Variants in KCNK13 observed in about 807,000 individuals in gnomAD.
KCNK13 encodes the protein potassium two pore domain channel subfamily K member 13.
In KCNK13, 12 loss-of-function variants were observed where a neutral mutation model predicts 23.4. The ratio of observed to expected loss-of-function variants is 0.51; its 90% CI spans 0.33 to 0.83. KCNK13 has a LOEUF of 0.83. Ranked by LOEUF, KCNK13 falls within the 40% of genes least tolerant of loss-of-function variation. The pLI, the probability that KCNK13 is intolerant of heterozygous loss-of-function variation, is 0.02. For missense variants in KCNK13, 463 were observed against 556.3 expected, an observed-to-expected ratio of 0.83 and a Z score of 1.69; for synonymous variants, 231 against 229.5, an observed-to-expected ratio of 1.01 and a Z score of -0.06.
chr14:90,099,573 G>T (rs968915881), intron 1 of KCNK13, among the ~76,000 whole-genome samples: 1 of 152,136 alleles, frequency 6.6e-6, no homozygotes, highest in Non-Finnish European at 1.5e-5. Context: ...TGTATATATA[G>T]CATCAAGTTT....
In KCNK13 at chr14:90,166,246, A is replaced by G. The variant is rs145241585; in HGVS notation, c.335-17865A>G. ...ACCCTAAAAATATCAAATTCCAAGAATATCTGTAACTTTGGGAAGAACTGT... is the reference window on the plus strand; with the variant it reads ...ACCCTAAAAATATCAAATTCCAAGAGTATCTGTAACTTTGGGAAGAACTGT... On this transcript the variant is annotated intron_variant, in intron 1 of 1. Coordinates refer to ENST00000282146, the MANE Select transcript of KCNK13 (RefSeq NM_022054.4). Among the ~76,000 whole-genome samples the G allele has an allele frequency of 1.4e-3, 214 of 152,326 alleles. 1 individual carries two copies. Among genetic ancestry groups the G allele is most frequent in the African/African-American group, 5.0e-3 (206 of 41,572 alleles).
At chr14:90,077,573 T>C (rs994345527) in intron 1 of KCNK13, among the ~76,000 whole-genome samples, 3 of 152,250 alleles carry the variant, frequency 2.0e-5, no homozygotes, top group African/African-American at 7.2e-5. Flanking sequence ...ATTTGCTTAC[T>C]TTGATATTGT....
At chr14:90,072,043 G>A (rs577437636) in intron 1 of KCNK13, among the ~76,000 whole-genome samples, 14 of 152,276 alleles carry the variant, frequency 9.2e-5, no homozygotes, top group South Asian at 4.1e-4. Flanking sequence ...CAGTCCTGCC[G>A]AGGACGGTGG....
intron 1 of KCNK13, among the ~76,000 whole-genome samples, chr14:90,072,818 C>A (rs566805136): frequency 3.4e-4 from 52 of 152,226 alleles, no homozygotes; most frequent in African/African-American, 1.2e-3. Context: ...GTTTAACTAT[C>A]CTCAAAGAGT....
At chr14:90,119,210 A>C (rs1167499252) in intron 1 of KCNK13, among the ~76,000 whole-genome samples, 1 of 152,206 alleles carries the variant, frequency 6.6e-6, no homozygotes, top group Non-Finnish European at 1.5e-5. Context: ...ATTCTACCAG[A>C]TGTACAAAGA....
intron 1 of KCNK13, among the ~76,000 whole-genome samples, chr14:90,095,655 G>A (rs993722227): frequency 2.0e-5 from 3 of 151,800 alleles, no homozygotes; most frequent in Non-Finnish European, 2.9e-5. Flanking sequence ...AGTCAACAAC[G>A]ATCAACACAG....
intron 1 of KCNK13, among the ~76,000 whole-genome samples, chr14:90,158,138 C>T (rs985564462): frequency 3.3e-5 from 5 of 152,298 alleles, no homozygotes; most frequent in African/African-American, 7.2e-5. Context: ...AGAAGGGAGG[C>T]GACCACAGCA....
At position 90,079,555 on chromosome 14, in the gene KCNK13, A is replaced by C. The variant is rs540472283; in HGVS notation, c.334+17016A>C. Among the ~76,000 whole-genome samples, 257 of 152,246 alleles carry C rather than the reference A, an allele frequency of 1.7e-3. 1 individual carries two copies. Among genetic ancestry groups the C allele is most frequent in the African/African-American group, 6.0e-3 (248 of 41,556 alleles). On this transcript the variant is annotated intron_variant, in intron 1 of 1. Coordinates refer to ENST00000282146, the MANE Select transcript of KCNK13 (RefSeq NM_022054.4). Reference sequence around the variant, plus strand: ...CACAGGTGTGAGCCATTAGCAGCAGAGCCTGCAACTGCTGGGAGATGGACT... The same window carrying C: ...CACAGGTGTGAGCCATTAGCAGCAGCGCCTGCAACTGCTGGGAGATGGACT...
chr14:90,145,510 T>C (rs945579746), intron 1 of KCNK13, among the ~76,000 whole-genome samples: 16 of 152,210 alleles, frequency 1.1e-4, no homozygotes, highest in African/African-American at 3.4e-4. Context: ...TATGTAAGAA[T>C]TATTGTGTCT....
intron 1 of KCNK13, among the ~76,000 whole-genome samples, chr14:90,110,275 G>A (rs576533871): frequency 6.6e-6 from 1 of 152,250 alleles, no homozygotes; most frequent in South Asian, 2.1e-4. Flanking sequence ...ACTTTGGGAG[G>A]CCAAGACGGG....
Position 90,167,442 on chromosome 14 carries a change from G to A in KCNK13, c.335-16669G>A, listed in dbSNP as rs182495476. 6.9e-3 allele frequency among the ~76,000 whole-genome samples: 1,043 copies of A among 152,220 alleles called. 9 individuals carry two copies. The highest frequency in any genetic ancestry group is 0.023 in the African/African-American group (959 of 41,522). The stretch of plus-strand genomic sequence containing the variant: ...TTGGTCTATTAAATCATGGAGCAAC[G>A]CTGTCTTGAATGGAAAACTCCAGAA... On this transcript the variant is annotated intron_variant, in intron 1 of 1. Transcript: ENST00000282146.
intron 1 of KCNK13, among the ~76,000 whole-genome samples, chr14:90,172,316 C>CAA (rs5810487): frequency 0.039 from 5,380 of 138,828 alleles, 115 homozygotes; most frequent in African/African-American, 0.061. Context: ...GAGTCTATAT[C>CAA]AAAAAAAAAA....
intron 1 of KCNK13, among the ~76,000 whole-genome samples, chr14:90,065,657 A>C (rs1888998576): frequency 6.6e-6 from 1 of 152,218 alleles, no homozygotes; most frequent in Non-Finnish European, 1.5e-5. Context: ...CCTGTCAGGA[A>C]TTGGTTAAAA....
chr14:90,113,915 AGAGT>A (rs1889644394), intron 1 of KCNK13, among the ~76,000 whole-genome samples: 1 of 152,160 alleles, frequency 6.6e-6, no homozygotes, highest in African/African-American at 2.4e-5. Context: ...CCTGGAGGAC[AGAGT>A]GAGACTCTGT....
chr14:90,184,087 TTC>T lies in KCNK13; in HGVS notation c.335-19_335-18del, dbSNP rs1566654485. Reference sequence around the variant, plus strand: ...TTCACAGCAAAGATTTCTCTTACTCTTCTCTCATTTTTCTCTCCTGCAGGGTT... The same window carrying T: ...TTCACAGCAAAGATTTCTCTTACTCTTCTCATTTTTCTCTCCTGCAGGGTT... On this transcript the variant is annotated intron_variant, in intron 1 of 1. Coordinates refer to ENST00000282146, the MANE Select transcript of KCNK13 (RefSeq NM_022054.4). This position sits in a 1 kb window ranked among gnomAD's most constrained non-coding sequence, Gnocchi z 5.6. 1.3e-6 allele frequency: 2 copies of T among 1,595,722 alleles called. No homozygotes were observed. The highest frequency in any genetic ancestry group is 1.7e-6 in the Non-Finnish European group (2 of 1,169,068).
intron 1 of KCNK13, among the ~76,000 whole-genome samples, chr14:90,138,274 T>C (rs1170448009): frequency 6.6e-6 from 1 of 152,206 alleles, no homozygotes; most frequent in Non-Finnish European, 1.5e-5. Flanking sequence ...CAAATTTTAC[T>C]CCCCCAAAAT....
In KCNK13 at chr14:90,184,436, A is replaced by G. The variant is rs576999889; in HGVS notation, c.660A>G (p.Glu220=). Residue 220 remains glutamate, a synonymous_variant, in exon 2 of 2, where the codon GAA becomes GAG. Transcript: ENST00000282146. This position sits in a 1 kb window ranked among gnomAD's most constrained non-coding sequence, Gnocchi z 5.6. ...CCTCAGCCATGTACACCCCCATTGA[A>G]GGCTGGAGCTACTTTGACTCACTCT... The part of the protein sequence containing the change: ...CCASAMYTPI[E]GWSYFDSLYF... The G allele has an allele frequency of 1.9e-6, 3 of 1,614,198 alleles. No homozygotes were observed. The highest frequency in any genetic ancestry group is 2.7e-5 in the African/African-American group (2 of 75,062).
chr14:90,112,461 TA>T (rs1889627042), intron 1 of KCNK13, among the ~76,000 whole-genome samples: 1 of 152,164 alleles, frequency 6.6e-6, no homozygotes, highest in Non-Finnish European at 1.5e-5. Context: ...GTGGCTCAAC[TA>T]AAAACAATGC....
chr14:90,179,675 C>T (rs879402523), intron 1 of KCNK13, among the ~76,000 whole-genome samples: 1 of 152,138 alleles, frequency 6.6e-6, no homozygotes, highest in Non-Finnish European at 1.5e-5. Context: ...GGCTGAACAC[C>T]GATCAGATAA....
Sources: allele counts gnomAD v4.1 joint callset (sites outside exome capture counted in the v4.1 genomes callset), GRCh38; gene constraint gnomAD v4.1.1; non-coding constraint Gnocchi (gnomAD v3.1); transcripts MANE v1.5; gene names NCBI Gene and HGNC (gene_info 2026-07-23, HGNC 2026-07-21).